The following CD2AP variants were observed in gnomAD, a reference collection of about 807,000 sequenced individuals.
CD2AP encodes the protein CD2-associated protein.
Under a neutral mutation model 85.1 loss-of-function variants are expected in CD2AP, and 46 were observed. The ratio of observed to expected loss-of-function variants is 0.54; its 90% CI spans 0.43 to 0.69. CD2AP has a LOEUF of 0.69. Ranked by LOEUF, CD2AP falls within the 30% of genes least tolerant of loss-of-function variation. The pLI is 0.00. For missense variants in CD2AP, 769 were observed against 729.5 expected (o/e 1.05, Z -0.62); for synonymous variants, 255 against 252.9 (o/e 1.01, Z -0.08).
chr6:47,609,303 G>A lies in CD2AP; in HGVS notation c.1813G>A (p.Gly605Arg), dbSNP rs377096139. The change falls in exon 16 of 18, where the codon GGG becomes AGG. Residue 605 changes from glycine (G) to arginine (R), a missense_variant and splice_region_variant. Gly to Arg is a moderately radical substitution (Grantham distance 125, BLOSUM62 -2). Coordinates refer to ENST00000359314, the MANE Select transcript of CD2AP (RefSeq NM_012120.3). ...TGTAGAAGCACTGAAAAAGGATCAC[G>A]GGTAAGTAGCCCTTCTTTTCTCCTG... ...CIVEALKKDH[G>R]KELEKLRKDL... is the part of the protein sequence containing the mutation. 30 of 1,610,618 alleles carry A rather than the reference G, an allele frequency of 1.9e-5. No individual in the cohort carries two copies. Among genetic ancestry groups the A allele is most frequent in the Non-Finnish European group, 2.5e-5 (29 of 1,177,446 alleles).
intron 5 of CD2AP, among the ~76,000 whole-genome samples, chr6:47,564,805 A>ATT (rs1767948526): frequency 6.6e-6 from 1 of 152,088 alleles, no homozygotes; most frequent in East Asian, 1.9e-4. Context: ...TCAGTAAAAT[A>ATT]ATTATGTTCC....
At chr6:47,532,125 CT>C (rs1766897774) in intron 2 of CD2AP, among the ~76,000 whole-genome samples, 1 of 151,654 alleles carries the variant, frequency 6.6e-6, no homozygotes. Context: ...ATCTGTAATA[CT>C]TTTATAATCA....
intron 8 of CD2AP, 147 bp downstream of exon 8, chr6:47,577,250 T>G (rs1324312121): frequency 3.3e-6 from 2 of 606,032 alleles, no homozygotes; most frequent in Non-Finnish European, 6.0e-6. Context: ...TCCTGAAAAC[T>G]TGGCACGTAA....
chr6:47,497,232 CCTTTTCCTTTTCTTTTTT>C (rs1393780012), intron 1 of CD2AP, among the ~76,000 whole-genome samples: 5 of 136,478 alleles, frequency 3.7e-5, no homozygotes, highest in African/African-American at 1.1e-4. Flanking sequence ...CCTTTCCTTT[CCTTTTCCTTTTCTTTTTT>C]CCTTTCCTTC....
At chr6:47,580,983 A>G (rs1768463057) in intron 10 of CD2AP, 83 bp downstream of exon 10, 2 of 943,846 alleles carry the variant, frequency 2.1e-6, no homozygotes, top group Non-Finnish European at 3.5e-6. Context: ...AATGCAAACT[A>G]TTGATTTTTA....
chr6:47,581,655 A>G (rs1768482357), intron 10 of CD2AP, among the ~76,000 whole-genome samples: 1 of 152,202 alleles, frequency 6.6e-6, no homozygotes, highest in South Asian at 2.1e-4. Context: ...TTAAAAATTC[A>G]GTTTCTCAGT....
At chr6:47,550,498 T>TA (rs1767487182) in intron 4 of CD2AP, among the ~76,000 whole-genome samples, 1 of 152,066 alleles carries the variant, frequency 6.6e-6, no homozygotes, top group Non-Finnish European at 1.5e-5. Flanking sequence ...CACAATGTGA[T>TA]ACCACCTTAC....
At chr6:47,556,333 A>G (rs962296200) in intron 5 of CD2AP, among the ~76,000 whole-genome samples, 4 of 149,394 alleles carry the variant, frequency 2.7e-5, no homozygotes, top group Non-Finnish European at 5.9e-5. Flanking sequence ...TTTTCTGTTC[A>G]TGAGAATGAT....
At chr6:47,583,741 T>C (rs1317646221) in intron 11 of CD2AP, among the ~76,000 whole-genome samples, 1 of 151,944 alleles carries the variant, frequency 6.6e-6, no homozygotes, top group Non-Finnish European at 1.5e-5. Context: ...TGTAGGTCTT[T>C]GTGTGGACAT....
intron 4 of CD2AP, among the ~76,000 whole-genome samples, chr6:47,548,922 A>G (rs1233951945): frequency 6.6e-6 from 1 of 152,148 alleles, no homozygotes; most frequent in Non-Finnish European, 1.5e-5. Context: ...TAAATATGAT[A>G]TGTCACATAA....
intron 11 of CD2AP, among the ~76,000 whole-genome samples, chr6:47,591,258 G>T (rs542510914): frequency 6.6e-6 from 1 of 152,258 alleles, no homozygotes; most frequent in East Asian, 1.9e-4. Flanking sequence ...GGTAGTGATT[G>T]GGAAGAAGGA....
Position 47,478,027 on chromosome 6 carries a change from C to G in CD2AP, c.-218C>G, listed in dbSNP as rs1402230937. Reference sequence around the variant, plus strand: ...TCCTGGGGAGGCCAGGGGTGAGGAGCTGTCGCCGCCTTTGCCTCTGCCTCG... The same window carrying G: ...TCCTGGGGAGGCCAGGGGTGAGGAGGTGTCGCCGCCTTTGCCTCTGCCTCG... On this transcript the variant is annotated 5_prime_UTR_variant, in exon 1 of 18. Transcript: ENST00000359314. 4.8e-6 allele frequency: 3 copies of G among 620,622 alleles called. No homozygotes were observed. In the African/African-American group the frequency reaches 5.6e-5, roughly 12 times the overall value. The allele number at this position is 620,622 out of a possible 1,614,324, so 38.4% of individuals were successfully genotyped here.
intron 1 of CD2AP, among the ~76,000 whole-genome samples, chr6:47,481,592 C>G (rs956852680): frequency 6.6e-6 from 1 of 152,050 alleles, no homozygotes. Context: ...GTGATCTGCC[C>G]GCTTTGGCCT....
intron 14 of CD2AP, 90 bp from the exon 15 acceptor site, chr6:47,607,837 A>G (rs1039283541): frequency 1.2e-6 from 1 of 833,842 alleles, no homozygotes; most frequent in African/African-American, 1.7e-5. Flanking sequence ...CTGAAAATCC[A>G]TAAAAGTTAT....
chr6:47,611,581 T>A (rs1242334673), intron 16 of CD2AP, among the ~76,000 whole-genome samples: 2 of 151,884 alleles, frequency 1.3e-5, no homozygotes, highest in African/African-American at 4.8e-5. Context: ...AATTCCTTCC[T>A]TATGTATTTT....
At chr6:47,541,052 G>C (rs1381557858) in intron 3 of CD2AP, among the ~76,000 whole-genome samples, 2 of 152,088 alleles carry the variant, frequency 1.3e-5, no homozygotes, top group African/African-American at 2.4e-5. Context: ...TCTGGTGAAA[G>C]GTGAAATGTG....
At position 47,622,977 on chromosome 6, in the gene CD2AP, T is replaced by A. The variant is rs114593854; in HGVS notation, c.1879-1209T>A. Among the ~76,000 whole-genome samples the A allele has an allele frequency of 4.5e-3, 691 of 152,338 alleles. 7 individuals carry two copies. Among genetic ancestry groups the A allele is most frequent in the African/African-American group, 0.016 (648 of 41,580 alleles). On this transcript the variant is annotated intron_variant, in intron 17 of 17. Coordinates refer to ENST00000359314, the MANE Select transcript of CD2AP (RefSeq NM_012120.3). Reference sequence around the variant, plus strand: ...CTCCCTACTCCCTCTTCTACCAATTTGTTTTTCTTACCGCTTTCTGTATCT... The same window carrying A: ...CTCCCTACTCCCTCTTCTACCAATTAGTTTTTCTTACCGCTTTCTGTATCT...
chr6:47,591,152 A>T (rs1184870405), intron 11 of CD2AP, among the ~76,000 whole-genome samples: 1 of 152,238 alleles, frequency 6.6e-6, no homozygotes, highest in Non-Finnish European at 1.5e-5. Flanking sequence ...AGAGCTACAC[A>T]CAGCAAAATG....
intron 5 of CD2AP, among the ~76,000 whole-genome samples, chr6:47,559,214 C>G (rs1767778549): frequency 6.7e-6 from 1 of 149,170 alleles, no homozygotes; most frequent in Admixed American, 6.7e-5. Flanking sequence ...ATTCTTCTCT[C>G]TTTTCTTTAT....
Sources: gnomAD v4.1 joint callset for allele counts (sites outside exome capture counted in the v4.1 genomes callset) on GRCh38, gnomAD v4.1.1 for gene constraint, MANE v1.5 for transcripts, NCBI Gene and HGNC (gene_info 2026-07-23, HGNC 2026-07-21) for gene names.